The following CUTC variants were observed in gnomAD, a reference collection of about 807,000 sequenced individuals.
CUTC encodes the protein copper homeostasis protein cutC homolog.
Under a neutral mutation model 36.2 loss-of-function variants are expected in CUTC, and 27 were observed. The observed-to-expected ratio is 0.75, with a 90% CI of 0.55 to 1.03. The LOEUF is 1.03. Ranked by LOEUF, CUTC falls within the 50% of genes least tolerant of loss-of-function variation. The probability of loss-of-function intolerance (pLI) is 0.00; values close to 1 mark genes in which losing one functional copy is unlikely to be tolerated. For missense variants in CUTC, 315 were observed against 343.5 expected (o/e 0.92, Z 0.66); for synonymous variants, 114 against 118.3 (o/e 0.96, Z 0.24).
chr10:99,738,875 T>C (rs1464362252), intron 2 of CUTC, among the ~76,000 whole-genome samples: 1 of 152,186 alleles, frequency 6.6e-6, no homozygotes, highest in Non-Finnish European at 1.5e-5. Context: ...CTAATAAATT[T>C]AGCAACCCAT....
At chr10:99,741,752 G>C (rs1365635312) in intron 3 of CUTC, among the ~76,000 whole-genome samples, 2 of 151,968 alleles carry the variant, frequency 1.3e-5, no homozygotes, top group African/African-American at 4.8e-5. Context: ...TTGTTTGTTT[G>C]GTAGAGATGG....
chr10:99,732,760 T>A (rs1402398644), intron 1 of CUTC, among the ~76,000 whole-genome samples: 23 of 152,110 alleles, frequency 1.5e-4, no homozygotes, highest in Admixed American at 1.4e-3. Flanking sequence ...CTGGGATAGT[T>A]AATTGTCGAG....
Position 99,743,339 on chromosome 10 carries a change from A to G in CUTC, c.380A>G (p.Lys127Arg), listed in dbSNP as rs757060046. Reference sequence around the variant, plus strand: ...TTGACTGAAGATGGACACATTGACAAAGAGCTGTGTATGTCCCTTATGGGT... The same window carrying G: ...TTGACTGAAGATGGACACATTGACAGAGAGCTGTGTATGTCCCTTATGGGT... The part of the protein sequence containing the change: ...GALTEDGHID[K>R]ELCMSLMAIC... Residue 127 changes from lysine to arginine, a missense_variant, in exon 4 of 9, where the codon AAA becomes AGA. Physicochemically the swap from Lys to Arg is conservative, Grantham distance 26. Coordinates refer to ENST00000370476, the MANE Select transcript of CUTC (RefSeq NM_015960.3). 3.1e-6 allele frequency: 5 copies of G among 1,614,164 alleles called. No individual in the cohort carries two copies. The highest frequency in any genetic ancestry group is 1.6e-4 in the Middle Eastern group (1 of 6,062).
At chr10:99,741,480 T>A (rs2133668516) in intron 3 of CUTC, among the ~76,000 whole-genome samples, 1 of 152,366 alleles carries the variant, frequency 6.6e-6, no homozygotes, top group Non-Finnish European at 1.5e-5. Flanking sequence ...TCTGCAGACC[T>A]CCAGAGTTAT....
intron 5 of CUTC, among the ~76,000 whole-genome samples, chr10:99,744,681 C>T (rs1226825802): frequency 1.3e-5 from 2 of 152,234 alleles, no homozygotes; most frequent in African/African-American, 4.8e-5. Flanking sequence ...AGCTTGTCTG[C>T]ACCACAGTGA....
chr10:99,747,699 A>T (rs2037389106), intron 6 of CUTC, among the ~76,000 whole-genome samples: 1 of 151,796 alleles, frequency 6.6e-6, no homozygotes, highest in African/African-American at 2.4e-5. Context: ...TTTATTTTTT[A>T]GTTTAGATAT....
chr10:99,743,909 T>C (rs2037358937), intron 4 of CUTC, 128 bp from the exon 5 acceptor site: 1 of 603,234 alleles, frequency 1.7e-6, no homozygotes, highest in Non-Finnish European at 2.8e-6. Flanking sequence ...CATTTTATTA[T>C]TATGTCAGTT....
chr10:99,745,767 G>T (rs1405596282), intron 5 of CUTC, among the ~76,000 whole-genome samples: 1 of 152,236 alleles, frequency 6.6e-6, no homozygotes, highest in Non-Finnish European at 1.5e-5. Flanking sequence ...TGAGGCAGGA[G>T]AATCACTTGA....
intron 7 of CUTC, 84 bp from the exon 8 acceptor site, chr10:99,754,445 A>C: frequency 2.3e-6 from 2 of 884,424 alleles, no homozygotes; most frequent in South Asian, 1.5e-5. Flanking sequence ...TGGGGATTCC[A>C]AGTAAAGTAA....
chr10:99,743,420 A>C (rs977221168), intron 4 of CUTC, 58 bp downstream of exon 4: 5 of 1,489,954 alleles, frequency 3.4e-6, no homozygotes, highest in Non-Finnish European at 3.7e-6. Context: ...TTATGCTCAC[A>C]ATATAGAAAA....
At chr10:99,737,978 T>C (rs2037310281) in intron 2 of CUTC, among the ~76,000 whole-genome samples, 1 of 152,090 alleles carries the variant, frequency 6.6e-6, no homozygotes, top group African/African-American at 2.4e-5. Context: ...AAACCCCGTC[T>C]CTACTAAAAA....
chr10:99,738,242 A>G (rs770787513), intron 2 of CUTC, among the ~76,000 whole-genome samples: 2 of 152,168 alleles, frequency 1.3e-5, no homozygotes, highest in Non-Finnish European at 2.9e-5. Flanking sequence ...TCCATAAATA[A>G]TGTGGAATTA....
intron 7 of CUTC, among the ~76,000 whole-genome samples, chr10:99,751,272 A>G (rs140259238): frequency 5.3e-5 from 8 of 152,206 alleles, no homozygotes; most frequent in East Asian, 3.9e-4. Flanking sequence ...ACTTTCTCCA[A>G]TTGTCCCCAC....
chr10:99,751,353 TTTTG>T (rs922975627), intron 7 of CUTC, among the ~76,000 whole-genome samples: 43 of 152,258 alleles, frequency 2.8e-4, no homozygotes, highest in African/African-American at 9.4e-4. Context: ...TTTGGTTATC[TTTTG>T]TTTGTTTGTT....
intron 7 of CUTC, among the ~76,000 whole-genome samples, chr10:99,752,251 G>A (rs1190324734): frequency 2.6e-5 from 4 of 152,044 alleles, no homozygotes; most frequent in South Asian, 2.1e-4. Flanking sequence ...GCATGGTGGC[G>A]TGCTCCTGAC....
rs992635394 is a variant in CUTC at position 99,755,607 on chromosome 10, T to G, written c.708-18T>G. ...TTTAATAACATAATTATCTGTTCCT[T>G]TATTATTTCTGTTACAGAAATTCAT... On this transcript the variant is annotated intron_variant, in intron 8 of 8. Coordinates refer to ENST00000370476, the MANE Select transcript of CUTC (RefSeq NM_015960.3). The G allele has an allele frequency of 1.3e-6, 2 of 1,512,174 alleles. No homozygotes were observed. Among genetic ancestry groups the G allele is most frequent in the East Asian group, 2.3e-5 (1 of 44,392 alleles). 93.7% of individuals were successfully genotyped at this position (1,512,174 alleles called of 1,614,324 possible). A position where few individuals can be genotyped will look rare whatever the true frequency, so the allele number is the denominator to read the frequency against.
chr10:99,755,692 A>C lies in CUTC; in HGVS notation c.775A>C (p.Thr259Pro), dbSNP rs2037452019. The C allele has an allele frequency of 6.8e-6, 11 of 1,614,022 alleles. No individual in the cohort carries two copies. The highest frequency in any genetic ancestry group is 9.3e-6 in the Non-Finnish European group (11 of 1,179,938). ...ATATTCCCTAAAGGTAACAGATGTG[A>C]CCAAAGTAAGGACTTTGAATGCTAT... ...SEYSLKVTDV[T>P]KVRTLNAIAK... The change falls in exon 9 of 9, where the codon ACC becomes CCC. Residue 259 changes from threonine (T) to proline (P), a missense_variant. Coordinates refer to ENST00000370476, the MANE Select transcript of CUTC (RefSeq NM_015960.3).
At chr10:99,732,528 TG>T (rs2037220078) in intron 1 of CUTC, 119 bp downstream of exon 1, 6 of 1,492,786 alleles carry the variant, frequency 4.0e-6, no homozygotes, top group Non-Finnish European at 5.3e-6. Flanking sequence ...TCCAGCCCCT[TG>T]GGCGGCACCT....
chr10:99,734,883 G>C (rs1181880942), intron 1 of CUTC, among the ~76,000 whole-genome samples: 1 of 151,926 alleles, frequency 6.6e-6, no homozygotes, highest in South Asian at 2.1e-4. Context: ...CTGGCAGATC[G>C]CTTGAGTGCA....
Sources: gnomAD v4.1 joint callset for allele counts (sites outside exome capture counted in the v4.1 genomes callset) on GRCh38, gnomAD v4.1.1 for gene constraint, MANE v1.5 for transcripts, NCBI Gene and HGNC (gene_info 2026-07-23, HGNC 2026-07-21) for gene names.